The following SPECC1 variants were observed in gnomAD, a reference collection of about 807,000 sequenced individuals.
The protein encoded by SPECC1 is cytospin-B.
Under a neutral mutation model 104.1 loss-of-function variants are expected in SPECC1, and 62 were observed. That is an observed-to-expected ratio of 0.60 (90% CI 0.49 to 0.74). The LOEUF (loss-of-function observed/expected upper bound fraction) is 0.74, where lower values mean the gene tolerates loss of function less well. Among genes scored for constraint, SPECC1 ranks in the 30% least tolerant of loss-of-function variants. The probability of loss-of-function intolerance (pLI) is 0.00; values close to 1 mark genes in which losing one functional copy is unlikely to be tolerated. For synonymous variants in SPECC1, 513 were observed against 501.6 expected (o/e 1.02, Z -0.30); for missense variants, 1,306 against 1,310.5 (o/e 1.00, Z 0.05).
rs1216384718 is a variant in SPECC1, at chr17:20,317,597, G to T, written c.*3532G>T. ...TTTAATTAGCTGGGTACAATGATAGGCACCTGTAATCTCAGCTGCTTGGGA... is the reference window on the plus strand; with the variant it reads ...TTTAATTAGCTGGGTACAATGATAGTCACCTGTAATCTCAGCTGCTTGGGA... On this transcript the variant is annotated 3_prime_UTR_variant, in exon 15 of 15. Coordinates refer to ENST00000395527, the MANE Select transcript of SPECC1 (RefSeq NM_001243439.2). 1.6e-5 allele frequency: 3 copies of T among 191,954 alleles called. No homozygotes were observed. Among genetic ancestry groups the T allele is most frequent in the African/African-American group, 4.7e-5 (2 of 42,910 alleles). The allele number at this position is 191,954 out of a possible 1,614,324, so 11.9% of individuals were successfully genotyped here.
chr17:20,295,192 C>T (rs1367890946), intron 12 of SPECC1, among the ~76,000 whole-genome samples: 1 of 125,474 alleles, frequency 8.0e-6, no homozygotes, highest in African/African-American at 3.0e-5. Flanking sequence ...CATGACAGGC[C>T]CCGGTGTGTG....
intron 1 of SPECC1, among the ~76,000 whole-genome samples, chr17:20,072,747 A>G (rs1351243222): frequency 6.6e-6 from 1 of 152,242 alleles, no homozygotes; most frequent in Non-Finnish European, 1.5e-5. Context: ...CTGCCATGCA[A>G]GAGCAGACTG....
chr17:20,257,387 GA>G, intron 10 of SPECC1, 63 bp from the exon 11 acceptor site: 1 of 1,496,120 alleles, frequency 6.7e-7, no homozygotes, highest in Middle Eastern at 1.8e-4. Context: ...ATTTGAGAAT[GA>G]AGTATGATGG....
intron 1 of SPECC1, among the ~76,000 whole-genome samples, chr17:20,034,590 G>A (rs905632532): frequency 6.8e-6 from 1 of 146,158 alleles, no homozygotes; most frequent in African/African-American, 2.5e-5. Flanking sequence ...ACATCCCAAA[G>A]ATTTTCTATT....
intron 3 of SPECC1, among the ~76,000 whole-genome samples, chr17:20,155,183 C>T (rs143556458): frequency 1.3e-5 from 2 of 152,198 alleles, no homozygotes; most frequent in East Asian, 3.9e-4. Context: ...ACAAAGGGGA[C>T]TGGGAAGAGG....
intron 2 of SPECC1, among the ~76,000 whole-genome samples, chr17:20,099,251 A>C (rs538529904): frequency 1.3e-5 from 2 of 152,324 alleles, no homozygotes; most frequent in East Asian, 3.8e-4. Context: ...CTTTAAACTT[A>C]GATTTTTATG....
chr17:20,311,536 A>C (rs559359901), intron 14 of SPECC1, among the ~76,000 whole-genome samples: 1 of 151,992 alleles, frequency 6.6e-6, no homozygotes, highest in African/African-American at 2.4e-5. Flanking sequence ...GATTATAGAC[A>C]CCTGTCACCA....
chr17:20,190,701 G>A (rs1399838006), intron 3 of SPECC1, among the ~76,000 whole-genome samples: 1 of 152,160 alleles, frequency 6.6e-6, no homozygotes, highest in African/African-American at 2.4e-5. Context: ...TTGGATAAAT[G>A]TATAATGCCA....
At chr17:20,221,204 C>T (rs1272202529) in intron 4 of SPECC1, among the ~76,000 whole-genome samples, 1 of 152,068 alleles carries the variant, frequency 6.6e-6, no homozygotes, top group Non-Finnish European at 1.5e-5. Flanking sequence ...ACATTCCCTT[C>T]TCTTCTATTT....
intron 1 of SPECC1, among the ~76,000 whole-genome samples, chr17:20,064,510 GT>G (rs1297975059): frequency 1.3e-5 from 2 of 152,166 alleles, no homozygotes; most frequent in Non-Finnish European, 1.5e-5. Flanking sequence ...TGGGTGGCAG[GT>G]ACATGACGCT....
chr17:20,233,940 TC>T (rs1240673208), intron 7 of SPECC1, among the ~76,000 whole-genome samples: 2 of 152,218 alleles, frequency 1.3e-5, no homozygotes, highest in Non-Finnish European at 1.5e-5. Flanking sequence ...GTCCTGAGTT[TC>T]TATGGTGGCC....
intron 10 of SPECC1, among the ~76,000 whole-genome samples, chr17:20,255,186 A>G (rs1316543568): frequency 6.6e-6 from 1 of 152,184 alleles, no homozygotes; most frequent in East Asian, 1.9e-4. Flanking sequence ...GCAGAAGGAA[A>G]TGAAGACCAA....
chr17:20,027,615 TA>T (rs2044646863), intron 1 of SPECC1, among the ~76,000 whole-genome samples: 1 of 152,176 alleles, frequency 6.6e-6, no homozygotes, highest in Non-Finnish European at 1.5e-5. Flanking sequence ...TGGTGAGAGA[TA>T]GGGGTCTAGT....
intron 1 of SPECC1, among the ~76,000 whole-genome samples, chr17:20,066,151 T>G (rs757664076): frequency 3.3e-5 from 5 of 152,196 alleles, no homozygotes; most frequent in Non-Finnish European, 7.3e-5. Flanking sequence ...TTACCTTTTT[T>G]ACAAATGGGA....
chr17:20,242,794 A>G (rs1461313266), intron 7 of SPECC1, among the ~76,000 whole-genome samples: 4 of 152,226 alleles, frequency 2.6e-5, no homozygotes, highest in Admixed American at 6.5e-5. Context: ...ATAAGGGATA[A>G]TAATATCTAG....
intron 3 of SPECC1, among the ~76,000 whole-genome samples, chr17:20,139,000 G>A (rs553725815): frequency 2.6e-5 from 4 of 152,312 alleles, no homozygotes; most frequent in African/African-American, 9.6e-5. Flanking sequence ...GTTAGCTGCA[G>A]CAATTCAGAG....
intron 2 of SPECC1, among the ~76,000 whole-genome samples, chr17:20,104,014 T>C (rs1597707370): frequency 6.6e-6 from 1 of 152,184 alleles, no homozygotes; most frequent in Non-Finnish European, 1.5e-5. Context: ...ATCCAGGCCC[T>C]AGGCTATGAG....
chr17:20,244,874 C>T (rs946412013), intron 7 of SPECC1, among the ~76,000 whole-genome samples: 9 of 152,190 alleles, frequency 5.9e-5, no homozygotes, highest in Non-Finnish European at 1.2e-4. Context: ...CTTGTCTTGG[C>T]TCCTTCACAG....
At chr17:20,178,283 G>A (rs1054816498) in intron 3 of SPECC1, among the ~76,000 whole-genome samples, 5 of 152,150 alleles carry the variant, frequency 3.3e-5, no homozygotes, top group Non-Finnish European at 2.9e-5. Context: ...ATTCTCTTGA[G>A]ACGTGAGATC....
Sources: allele counts gnomAD v4.1 joint callset (sites outside exome capture counted in the v4.1 genomes callset), GRCh38; gene constraint gnomAD v4.1.1; transcripts MANE v1.5; gene names NCBI Gene and HGNC (gene_info 2026-07-23, HGNC 2026-07-21).